The following GDPD5 variants were observed in gnomAD, a reference collection of about 807,000 sequenced individuals.
GDPD5 encodes the protein glycerophosphodiester phosphodiesterase 2.
GDPD5 carries 48 observed loss-of-function variants against 75.1 expected under a neutral mutation model. The observed-to-expected ratio is 0.64, with a 90% CI of 0.51 to 0.81. The LOEUF (loss-of-function observed/expected upper bound fraction) is 0.81, where lower values mean the gene tolerates loss of function less well. GDPD5 is among the 40% of genes least tolerant of loss of function. The pLI is 0.00. For synonymous variants in GDPD5, 336 were observed against 339.0 expected, an observed-to-expected ratio of 0.99 and a Z score of 0.10; for missense variants, 706 against 822.6, an observed-to-expected ratio of 0.86 and a Z score of 1.73.
chr11:75,449,642 A>C (rs1405005249), intron 7 of GDPD5, 32 bp from the exon 8 acceptor site: 15 of 1,554,410 alleles, frequency 9.6e-6, no homozygotes, highest in Non-Finnish European at 1.3e-5. Context: ...GGAGACCAGT[A>C]ACGCCCAGCT....
chr11:75,471,245 G>T (rs953921674), intron 3 of GDPD5, among the ~76,000 whole-genome samples: 2 of 152,198 alleles, frequency 1.3e-5, no homozygotes, highest in Non-Finnish European at 1.5e-5. Flanking sequence ...GCTATGGCAG[G>T]ATTACCCTGG....
chr11:75,461,547 C>T (rs1949412858), intron 4 of GDPD5, among the ~76,000 whole-genome samples: 1 of 152,240 alleles, frequency 6.6e-6, no homozygotes, highest in Admixed American at 6.5e-5. Context: ...GTCAGAAGCC[C>T]AGGGTCCTGA....
rs570277496 is a variant in GDPD5, at chr11:75,511,227, GTGA to G, written c.-145+13980_-145+13982del. On this transcript the variant is annotated intron_variant, in intron 1 of 16. Transcript: ENST00000336898. ...TTTCTGGGGCTAAAGAGTATTCCCTGTGATGCTCTCTCAAAATGCAGTCCTGGG... is the reference window on the plus strand; with the variant it reads ...TTTCTGGGGCTAAAGAGTATTCCCTGTGCTCTCTCAAAATGCAGTCCTGGG... Among the ~76,000 whole-genome samples, 1,297 of 152,322 alleles carry G rather than the reference GTGA, an allele frequency of 8.5e-3. 26 individuals are homozygous for G. Among genetic ancestry groups the G allele is most frequent in the African/African-American group, 0.03 (1,240 of 41,572 alleles).
chr11:75,435,660 T>G lies in GDPD5; in HGVS notation c.1670-5A>C, dbSNP rs760729755. 5 of 1,598,138 alleles carry G rather than the reference T, an allele frequency of 3.1e-6. No homozygotes were observed. In the Admixed American group the frequency reaches 6.8e-5, roughly 22 times the overall value. ...CCTCTACACCATCGCTGATCTCTGC[T>G]GGGCCAGAGGGAGACAGAATGTGAG... is the stretch of plus-strand genomic sequence containing the variant. On this transcript the variant is annotated splice_region_variant and splice_polypyrimidine_tract_variant and intron_variant, in intron 16 of 16. Coordinates refer to ENST00000336898, the MANE Select transcript of GDPD5 (RefSeq NM_030792.8).
chr11:75,463,825 A>C (rs1213033869), intron 3 of GDPD5, among the ~76,000 whole-genome samples: 1 of 152,138 alleles, frequency 6.6e-6, no homozygotes. Flanking sequence ...TTCGACCTAC[A>C]CAACCAGTTC....
At chr11:75,525,056 T>C (rs1941615939) in intron 1 of GDPD5, among the ~76,000 whole-genome samples, 154 bp downstream of exon 1, 1 of 151,998 alleles carries the variant, frequency 6.6e-6, no homozygotes, top group South Asian at 2.1e-4. Flanking sequence ...GGGCGCTCAA[T>C]AAGTACCCGT....
intron 16 of GDPD5, among the ~76,000 whole-genome samples, 195 bp from the exon 17 acceptor site, chr11:75,435,850 C>A (rs1157489107): frequency 2.0e-5 from 3 of 152,208 alleles, no homozygotes; most frequent in Non-Finnish European, 4.4e-5. Context: ...TCGCCTTCAT[C>A]TGCTGTCCCC....
chr11:75,462,240 C>A (rs1476200776), intron 4 of GDPD5, among the ~76,000 whole-genome samples: 1 of 152,200 alleles, frequency 6.6e-6, no homozygotes, highest in South Asian at 2.1e-4. Flanking sequence ...TCCATGGTCA[C>A]AGCACCGGGA....
At chr11:75,460,661 G>T (rs1195259233) in intron 4 of GDPD5, among the ~76,000 whole-genome samples, 5 of 152,018 alleles carry the variant, frequency 3.3e-5, no homozygotes, top group Non-Finnish European at 2.9e-5. Flanking sequence ...GTCCAGGCTG[G>T]TCTTGAACAC....
rs149542583 is a variant in GDPD5, at chr11:75,449,980, C to T, written c.379G>A (p.Gly127Arg). ...GTGGAAGCCAGGATGACCACCAGCC[C>T]GATCTGGAGGGGGAAGAGTCACCGG... ...QMNLHWLHKI[G>R]LVVILASTVV... The change falls in exon 7 of 17, where the codon GGG becomes AGG. Residue 127 changes from glycine (G) to arginine (R), a missense_variant. Coordinates refer to ENST00000336898, the MANE Select transcript of GDPD5 (RefSeq NM_030792.8). The T allele has an allele frequency of 5.8e-5, 94 of 1,613,314 alleles. No homozygotes were observed. The highest frequency in any genetic ancestry group is 7.8e-5 in the Non-Finnish European group (92 of 1,179,936).
At chr11:75,505,661 T>A (rs1177337533) in intron 1 of GDPD5, among the ~76,000 whole-genome samples, 1 of 152,178 alleles carries the variant, frequency 6.6e-6, no homozygotes, top group Non-Finnish European at 1.5e-5. Context: ...AGCCACAGCC[T>A]CATGATCCTG....
chr11:75,454,609 G>A (rs1949244485), intron 6 of GDPD5, among the ~76,000 whole-genome samples: 1 of 152,234 alleles, frequency 6.6e-6, no homozygotes, highest in Middle Eastern at 3.2e-3. Context: ...CCAGACCAGG[G>A]AGCAGGAGCA....
At chr11:75,466,875 T>G (rs1400961441) in intron 3 of GDPD5, among the ~76,000 whole-genome samples, 1 of 152,058 alleles carries the variant, frequency 6.6e-6, no homozygotes, top group African/African-American at 2.4e-5. Flanking sequence ...GGGATAAGAT[T>G]TGAACCCAGG....
At chr11:75,475,367 G>C (rs1949756578) in intron 3 of GDPD5, among the ~76,000 whole-genome samples, 1 of 152,126 alleles carries the variant, frequency 6.6e-6, no homozygotes, top group Admixed American at 6.6e-5. Flanking sequence ...CCTCAACTCA[G>C]GCAGCTCTCC....
In GDPD5 at chr11:75,441,695, T is replaced by C. The variant is rs1948813105; in HGVS notation, c.1276A>G (p.Ile426Val). Residue 426 changes from isoleucine (I) to valine (V), a missense_variant, in exon 13 of 17, where the codon ATC (isoleucine) becomes GTC (valine). Transcript: ENST00000336898. ...EAVASLRRGHIQRLNLRYTQV... is the reference protein window; with the variant it reads ...EAVASLRRGHVQRLNLRYTQV... Reference sequence around the variant, plus strand: ...GTGTAGCGCAGGTTCAGCCGCTGGATGTGGCCTCTCCGCAGGCTGGCGACT... The same window carrying C: ...GTGTAGCGCAGGTTCAGCCGCTGGACGTGGCCTCTCCGCAGGCTGGCGACT... 6.2e-7 allele frequency: 1 copy of C among 1,609,486 alleles called. No homozygotes were observed. The highest frequency in any genetic ancestry group is 1.3e-5 in the African/African-American group (1 of 74,944).
intron 4 of GDPD5, among the ~76,000 whole-genome samples, chr11:75,459,073 C>T (rs1949356484): frequency 1.3e-5 from 2 of 152,264 alleles, no homozygotes; most frequent in African/African-American, 4.8e-5. Flanking sequence ...CACACCTGGC[C>T]AACTGTCTTC....
At chr11:75,437,228 T>G in intron 15 of GDPD5, 180 bp from the exon 16 acceptor site, 3 of 577,450 alleles carry the variant, frequency 5.2e-6, no homozygotes, top group Non-Finnish European at 9.2e-6. Context: ...CAGAGCCTAC[T>G]GACTCTCGGC....
chr11:75,437,910 C>T (rs1279862740), intron 15 of GDPD5: 2 of 152,240 alleles, frequency 1.3e-5, no homozygotes, highest in Non-Finnish European at 2.9e-5. Context: ...GGACTCTCAC[C>T]CCTGTCCCCA....
intron 3 of GDPD5, among the ~76,000 whole-genome samples, 181 bp downstream of exon 3, chr11:75,477,438 C>G (rs907093686): frequency 2.0e-5 from 3 of 152,262 alleles, no homozygotes; most frequent in African/African-American, 7.2e-5. Context: ...TCCATGCCCT[C>G]CTGGTCAGTA....
Sources: gnomAD v4.1 joint callset for allele counts (sites outside exome capture counted in the v4.1 genomes callset) on GRCh38, gnomAD v4.1.1 for gene constraint, MANE v1.5 for transcripts, NCBI Gene and HGNC (gene_info 2026-07-23, HGNC 2026-07-21) for gene names.